The following PHF21B variants were observed in gnomAD, a reference collection of about 807,000 sequenced individuals.
The protein encoded by PHF21B is PHD finger protein 4.
In PHF21B, 22 loss-of-function variants were observed where a neutral mutation model predicts 62.2. The observed-to-expected ratio is 0.35, with a 90% CI of 0.25 to 0.51. PHF21B has a LOEUF of 0.51. Ranked by LOEUF, PHF21B falls within the 20% of genes least tolerant of loss-of-function variation. PHF21B has a pLI of 0.97. For missense variants in PHF21B, 701 were observed against 707.9 expected (o/e 0.99, Z 0.11); for synonymous variants, 341 against 314.7 (o/e 1.08, Z -0.88).
intron 2 of PHF21B, among the ~76,000 whole-genome samples, chr22:44,949,363 T>C (rs2072149049): frequency 6.6e-6 from 1 of 151,100 alleles, no homozygotes; most frequent in South Asian, 2.1e-4. Context: ...ATGCACCAGC[T>C]GGAAGAGGGA....
intron 2 of PHF21B, among the ~76,000 whole-genome samples, chr22:44,961,369 T>C (rs1273741840): frequency 6.6e-6 from 1 of 152,114 alleles, no homozygotes; most frequent in Non-Finnish European, 1.5e-5. Flanking sequence ...GTCACCCAGG[T>C]AGTGAGCACA....
intron 2 of PHF21B, among the ~76,000 whole-genome samples, chr22:44,956,884 G>A (rs1420612005): frequency 6.6e-6 from 1 of 152,214 alleles, no homozygotes; most frequent in Non-Finnish European, 1.5e-5. Flanking sequence ...CAGATGCTCA[G>A]GGCTGGGCCT....
At chr22:44,886,195 TCGAA>T (rs1313185321) in intron 10 of PHF21B, among the ~76,000 whole-genome samples, 6 of 151,984 alleles carry the variant, frequency 3.9e-5, no homozygotes, top group African/African-American at 1.4e-4. Context: ...CAAATACTTC[TCGAA>T]CGAACGAATG....
At chr22:44,903,329 C>A (rs1681886187) in intron 5 of PHF21B, among the ~76,000 whole-genome samples, 1 of 151,776 alleles carries the variant, frequency 6.6e-6, no homozygotes, top group African/African-American at 2.4e-5. Flanking sequence ...TTGGCCCTCT[C>A]TGGAGTCCCC....
intron 5 of PHF21B, among the ~76,000 whole-genome samples, chr22:44,907,695 T>C (rs936263659): frequency 1.3e-4 from 20 of 152,174 alleles, no homozygotes; most frequent in Admixed American, 2.6e-4. Context: ...CTATCCTGAT[T>C]CTGGGAAAAG....
At chr22:44,895,107 C>T (rs536395448) in intron 6 of PHF21B, among the ~76,000 whole-genome samples, 43 of 152,210 alleles carry the variant, frequency 2.8e-4, no homozygotes, top group Non-Finnish European at 4.0e-4. Context: ...CTTTATAAAA[C>T]GCCTTTGCAG....
At chr22:44,924,167 A>T (rs2071590117) in intron 2 of PHF21B, among the ~76,000 whole-genome samples, 1 of 152,208 alleles carries the variant, frequency 6.6e-6, no homozygotes, top group South Asian at 2.1e-4. Flanking sequence ...GCAAATAAGC[A>T]AATAAAAAAT....
chr22:44,940,891 G>A (rs1365819690), intron 2 of PHF21B, among the ~76,000 whole-genome samples: 1 of 152,190 alleles, frequency 6.6e-6, no homozygotes, highest in Non-Finnish European at 1.5e-5. Context: ...CCAAAGCTTG[G>A]GGTGGGGCTG....
intron 5 of PHF21B, among the ~76,000 whole-genome samples, chr22:44,904,114 G>A (rs968264296): frequency 1.3e-5 from 2 of 151,726 alleles, no homozygotes; most frequent in Non-Finnish European, 2.9e-5. Context: ...TAAATGTTTT[G>A]AGCATATGTT....
intron 2 of PHF21B, among the ~76,000 whole-genome samples, chr22:44,982,327 C>T (rs1005450884): frequency 3.3e-5 from 5 of 152,216 alleles, no homozygotes; most frequent in Non-Finnish European, 5.9e-5. Context: ...AGAGGAAAGA[C>T]GACAAGATCA....
chr22:44,950,534 A>C (rs2072172080), intron 2 of PHF21B, among the ~76,000 whole-genome samples: 1 of 152,030 alleles, frequency 6.6e-6, no homozygotes, highest in African/African-American at 2.4e-5. Context: ...CAGTCAACTA[A>C]GTGGTGGCCT....
rs755847059 is a variant in PHF21B at position 44,889,746 on chromosome 22, G to A, written c.1038+14C>T. ...CACCCCGGAAGTGTGAAGACGGAGG[G>A]AGGGGACACGTACCTTCCAGCAGGG... On this transcript the variant is annotated intron_variant, in intron 9 of 12. Transcript: ENST00000313237. The A allele has an allele frequency of 3.2e-6, 5 of 1,583,190 alleles. No individual in the cohort carries two copies. Among genetic ancestry groups the A allele is most frequent in the Admixed American group, 3.7e-5 (2 of 54,122 alleles).
chr22:44,945,720 G>C (rs900273286), intron 2 of PHF21B, among the ~76,000 whole-genome samples: 4 of 22,584 alleles, frequency 1.8e-4, no homozygotes, highest in African/African-American at 2.8e-4. Flanking sequence ...CAGAATTGGG[G>C]GGGGGGTGGT....
intron 2 of PHF21B, among the ~76,000 whole-genome samples, chr22:44,998,347 A>G (rs2073155807): frequency 6.6e-6 from 1 of 152,206 alleles, no homozygotes; most frequent in Non-Finnish European, 1.5e-5. Context: ...TCAGAAAGAA[A>G]ACTCTGGTGA....
At chr22:44,929,433 T>C (rs2071697623) in intron 2 of PHF21B, among the ~76,000 whole-genome samples, 1 of 152,120 alleles carries the variant, frequency 6.6e-6, no homozygotes, top group South Asian at 2.1e-4. Flanking sequence ...GGCGAGTGCA[T>C]GTGAAAATCC....
At chr22:44,984,217 A>G in intron 2 of PHF21B, among the ~76,000 whole-genome samples, 1 of 148,470 alleles carries the variant, frequency 6.7e-6, no homozygotes, top group Non-Finnish European at 1.5e-5. Context: ...CATCATCACC[A>G]CCACCATCAC....
At chr22:44,976,830 C>T (rs1281915112) in intron 2 of PHF21B, among the ~76,000 whole-genome samples, 1 of 152,234 alleles carries the variant, frequency 6.6e-6, no homozygotes, top group Non-Finnish European at 1.5e-5. Context: ...CATCCATGTA[C>T]ATAGCACTCG....
intron 2 of PHF21B, chr22:45,001,337 T>C (rs1413440255): frequency 6.6e-6 from 1 of 152,386 alleles, no homozygotes; most frequent in Non-Finnish European, 1.5e-5. Flanking sequence ...GGAGGTGCGT[T>C]GAAGAGAGTG....
intron 10 of PHF21B, among the ~76,000 whole-genome samples, chr22:44,886,287 G>A (rs900008008): frequency 8.0e-5 from 12 of 150,186 alleles, no homozygotes; most frequent in Non-Finnish European, 1.5e-4. Flanking sequence ...GGAGAGACTC[G>A]ATGTCCCCCA....
Sources: gnomAD v4.1 joint callset for allele counts (sites outside exome capture counted in the v4.1 genomes callset) on GRCh38, gnomAD v4.1.1 for gene constraint, MANE v1.5 for transcripts, NCBI Gene and HGNC (gene_info 2026-07-23, HGNC 2026-07-21) for gene names.